ARHGAP26: variants seen among roughly 807,000 people sequenced by gnomAD.
ARHGAP26 encodes the protein Rho GTPase activating protein 26, also known as rho GTPase-activating protein 26.
Under a neutral mutation model 104.8 loss-of-function variants are expected in ARHGAP26, and 38 were observed. That is an observed-to-expected ratio of 0.36 (90% CI 0.28 to 0.48). The LOEUF (loss-of-function observed/expected upper bound fraction) is 0.48, where lower values mean the gene tolerates loss of function less well. Among genes scored for constraint, ARHGAP26 ranks in the 20% least tolerant of loss-of-function variants. The probability of loss-of-function intolerance (pLI) is 0.99; values close to 1 mark genes in which losing one functional copy is unlikely to be tolerated. For synonymous variants in ARHGAP26, 341 were observed against 340.0 expected (o/e 1.00, Z -0.03); for missense variants, 704 against 947.9 (o/e 0.74, Z 3.38).
intron 11 of ARHGAP26, among the ~76,000 whole-genome samples, chr5:142,980,005 A>G (rs1350717353): frequency 6.6e-6 from 1 of 152,234 alleles, no homozygotes; most frequent in East Asian, 1.9e-4. Flanking sequence ...AAGATGTAGA[A>G]CATTTCCAGC....
At chr5:143,197,171 A>T (rs1289155301) in intron 20 of ARHGAP26, among the ~76,000 whole-genome samples, 1 of 152,152 alleles carries the variant, frequency 6.6e-6, no homozygotes, top group Non-Finnish European at 1.5e-5. Context: ...AATTTGCTCT[A>T]CACATTCTAA....
At chr5:142,987,436 T>G (rs1402808934) in intron 11 of ARHGAP26, among the ~76,000 whole-genome samples, 1 of 152,260 alleles carries the variant, frequency 6.6e-6, no homozygotes, top group Non-Finnish European at 1.5e-5. Flanking sequence ...TCATGTCATC[T>G]GCAAACAGGG....
At position 143,068,706 on chromosome 5, in the gene ARHGAP26, C is replaced by A. The variant is rs137949532; in HGVS notation, c.1538+10959C>A. 6.5e-4 allele frequency among the ~76,000 whole-genome samples: 99 copies of A among 152,334 alleles called. No individual in the cohort carries two copies. In the Middle Eastern group the frequency reaches 0.014, roughly 21 times the overall value. ...CAAAGAATCTTTCTCAATCCCATATCCCCTTTTAGGTACTATCCCATTTTT... is the reference window on the plus strand; with the variant it reads ...CAAAGAATCTTTCTCAATCCCATATACCCTTTTAGGTACTATCCCATTTTT... On this transcript the variant is annotated intron_variant, in intron 17 of 22. Transcript: ENST00000645722.
chr5:143,084,137 G>T (rs1390136437), intron 17 of ARHGAP26, among the ~76,000 whole-genome samples: 1 of 152,222 alleles, frequency 6.6e-6, no homozygotes, highest in Non-Finnish European at 1.5e-5. Flanking sequence ...AAAAGACTCT[G>T]CCTTAATGAC....
intron 11 of ARHGAP26, among the ~76,000 whole-genome samples, chr5:143,008,426 T>C (rs562860490): frequency 6.6e-6 from 1 of 152,320 alleles, no homozygotes; most frequent in East Asian, 1.9e-4. Flanking sequence ...GAGATGATAT[T>C]CGATGGTGTA....
At chr5:142,928,980 C>G (rs948195445) in intron 10 of ARHGAP26, among the ~76,000 whole-genome samples, 1 of 152,146 alleles carries the variant, frequency 6.6e-6, no homozygotes, top group South Asian at 2.1e-4. Context: ...GCTCTGTCGC[C>G]GGGCTGGAGT....
chr5:143,213,152 A>G (rs1809778460), intron 21 of ARHGAP26, among the ~76,000 whole-genome samples: 1 of 152,174 alleles, frequency 6.6e-6, no homozygotes. Flanking sequence ...CTAAACAAAC[A>G]AACAAAAACT....
chr5:142,982,952 G>C (rs950192144), intron 11 of ARHGAP26, among the ~76,000 whole-genome samples: 5 of 152,158 alleles, frequency 3.3e-5, no homozygotes, highest in Non-Finnish European at 7.4e-5. Flanking sequence ...GTCCACCTCT[G>C]ATAGCACATG....
intron 20 of ARHGAP26, among the ~76,000 whole-genome samples, chr5:143,162,568 C>T (rs1801400233): frequency 6.6e-6 from 1 of 152,126 alleles, no homozygotes; most frequent in African/African-American, 2.4e-5. Flanking sequence ...CTGCATTATC[C>T]CAAGAGAAGA....
At chr5:142,822,337 G>A (rs1766361953) in intron 1 of ARHGAP26, among the ~76,000 whole-genome samples, 1 of 152,090 alleles carries the variant, frequency 6.6e-6, no homozygotes, top group African/African-American at 2.4e-5. Context: ...ATACATGCTG[G>A]GCTCTGTTAA....
At chr5:142,795,111 A>G (rs1348286549) in intron 1 of ARHGAP26, among the ~76,000 whole-genome samples, 3 of 152,122 alleles carry the variant, frequency 2.0e-5, no homozygotes, top group Admixed American at 2.0e-4. Flanking sequence ...CTCACAGGTC[A>G]TACAAACACA....
Position 142,919,392 on chromosome 5 carries a change from C to T in ARHGAP26, c.1028+6099C>T, listed in dbSNP as rs77410138. On this transcript the variant is annotated intron_variant, in intron 10 of 22. Coordinates refer to ENST00000645722, the MANE Select transcript of ARHGAP26 (RefSeq NM_001135608.3). ...ACAGACCTCAGGAGGAACCCTTGAT[C>T]TTGAACTTTTAGCCTCTAGACCTGT... 1,076 of 398,594 alleles carry T rather than the reference C, an allele frequency of 2.7e-3. 10 individuals are homozygous for T. The highest frequency in any genetic ancestry group is 0.018 in the African/African-American group (858 of 48,738). 24.7% of individuals were successfully genotyped at this position (398,594 alleles called of 1,614,324 possible).
intron 12 of ARHGAP26, among the ~76,000 whole-genome samples, chr5:143,017,668 G>A (rs554545514): frequency 1.5e-3 from 224 of 152,244 alleles, no homozygotes; most frequent in African/African-American, 5.1e-3. Flanking sequence ...TCATCATTGT[G>A]TCAGGAGCCA....
chr5:142,925,954 T>C (rs1197969994), intron 10 of ARHGAP26, among the ~76,000 whole-genome samples: 1 of 152,214 alleles, frequency 6.6e-6, no homozygotes, highest in Non-Finnish European at 1.5e-5. Context: ...GAGTTAGTAA[T>C]AGCTTTTCCT....
At chr5:143,213,888 C>T (rs996134820) in intron 21 of ARHGAP26, 109 bp from the exon 22 acceptor site, 31 of 625,732 alleles carry the variant, frequency 5.0e-5, no homozygotes, top group Middle Eastern at 2.7e-4. Context: ...GCACTTCCCA[C>T]GAGAGGGGAC....
intron 11 of ARHGAP26, among the ~76,000 whole-genome samples, chr5:142,998,042 T>G (rs990969108): frequency 3.3e-5 from 5 of 152,224 alleles, no homozygotes; most frequent in African/African-American, 1.2e-4. Flanking sequence ...ACCAGAAGCT[T>G]GCAGGAACCT....
rs183306856 is a variant in ARHGAP26 at position 142,796,331 on chromosome 5, C to T, written c.154+25416C>T. ...GCCACAAATTGCCTCTGTCTTTGAG[C>T]AAATTATTTAATCTCTTAGGACCGT... On this transcript the variant is annotated intron_variant, in intron 1 of 22. Coordinates refer to ENST00000645722, the MANE Select transcript of ARHGAP26 (RefSeq NM_001135608.3). Among the ~76,000 whole-genome samples the T allele has an allele frequency of 7.6e-4, 116 of 152,264 alleles. 3 individuals are homozygous for T. The highest frequency in any genetic ancestry group is 2.4e-4 in the Non-Finnish European group (16 of 68,014).
intron 11 of ARHGAP26, among the ~76,000 whole-genome samples, chr5:142,942,111 G>T (rs1766447264): frequency 6.6e-6 from 1 of 152,116 alleles, no homozygotes; most frequent in Non-Finnish European, 1.5e-5. Flanking sequence ...CTAAAGGGAA[G>T]GGTGGAGGAT....
At chr5:142,991,803 A>G (rs562133962) in intron 11 of ARHGAP26, among the ~76,000 whole-genome samples, 36 of 152,286 alleles carry the variant, frequency 2.4e-4, no homozygotes, top group African/African-American at 8.2e-4. Flanking sequence ...AGTGCACTCT[A>G]TGATGTTTGT....
Sources: allele counts gnomAD v4.1 joint callset (sites outside exome capture counted in the v4.1 genomes callset), GRCh38; gene constraint gnomAD v4.1.1; transcripts MANE v1.5; gene names NCBI Gene and HGNC (gene_info 2026-07-23, HGNC 2026-07-21).